Variants in PCDHGA9 observed in about 807,000 individuals in gnomAD.
PCDHGA9 encodes protocadherin gamma subfamily A, 9.
PCDHGA9 carries 37 observed loss-of-function variants against 62.5 expected under a neutral mutation model. The ratio of observed to expected loss-of-function variants is 0.59; its 90% confidence interval spans 0.46 to 0.78. The LOEUF (loss-of-function observed/expected upper bound fraction) is 0.78. Ranked by LOEUF, PCDHGA9 falls within the 30% of genes least tolerant of loss-of-function variation. PCDHGA9 has a pLI of 0.00. For synonymous variants in PCDHGA9, 459 were observed against 484.6 expected (o/e 0.95, Z 0.69); for missense variants, 1,138 against 1,166.2 (o/e 0.98, Z 0.35).
At chr5:141,437,195 A>G (rs2097867163) in intron 1 of PCDHGA9, among the ~76,000 whole-genome samples, 2 of 152,180 alleles carry the variant, frequency 1.3e-5, no homozygotes, top group African/African-American at 4.8e-5. Context: ...ATGGGTTTGG[A>G]TGTGTTTACA....
At chr5:141,448,185 G>A (rs2098572532) in intron 1 of PCDHGA9, among the ~76,000 whole-genome samples, 1 of 152,020 alleles carries the variant, frequency 6.6e-6, no homozygotes, top group Non-Finnish European at 1.5e-5. Flanking sequence ...CCCTGGTTAT[G>A]TACACTTACA....
At chr5:141,467,460 T>G (rs1354012953) in intron 1 of PCDHGA9, among the ~76,000 whole-genome samples, 1 of 152,246 alleles carries the variant, frequency 6.6e-6, no homozygotes. Context: ...CCAGTGCTAG[T>G]ACTTGCATGG....
intron 1 of PCDHGA9, chr5:141,410,721 A>G (rs2154543206): frequency 1.5e-5 from 21 of 1,395,496 alleles, no homozygotes; most frequent in Non-Finnish European, 2.0e-5. Context: ...ATATGTTTAA[A>G]ATCCATAGCT....
Position 141,487,904 on chromosome 5 carries a change from G to A in PCDHGA9, c.2425-6903G>A, listed in dbSNP as rs1229814755. On this transcript the variant is annotated intron_variant, in intron 1 of 3. Coordinates refer to ENST00000573521, the MANE Select transcript of PCDHGA9 (RefSeq NM_018921.3). The surrounding 1 kb of genome is among the most constrained non-coding windows in gnomAD (Gnocchi z 5.0). ...TGTGGAAGCATGATGATGGAATGTG[G>A]GAGCACAGGAGGCTACAGTGCACAG... 8.8e-6 allele frequency: 6 copies of A among 685,686 alleles called. No individual in the cohort carries two copies. The highest frequency in any genetic ancestry group is 1.5e-5 in the Non-Finnish European group (6 of 410,118). 42.5% of individuals were successfully genotyped at this position (685,686 alleles called of 1,614,324 possible). A position where few individuals can be genotyped will look rare whatever the true frequency, so the allele number is the denominator to read the frequency against.
chr5:141,451,812 C>G (rs974567828), intron 1 of PCDHGA9, among the ~76,000 whole-genome samples: 1 of 149,686 alleles, frequency 6.7e-6, no homozygotes, highest in Non-Finnish European at 1.5e-5. Flanking sequence ...ACCCAGGAGG[C>G]GGAGGTTACA....
chr5:141,472,928 G>A (rs926768431), intron 1 of PCDHGA9, among the ~76,000 whole-genome samples: 13 of 150,136 alleles, frequency 8.7e-5, no homozygotes, highest in Admixed American at 2.7e-4. Flanking sequence ...GGAGGTTGTG[G>A]TGAGCCAAGA....
chr5:141,503,045 G>A (rs543484478), intron 2 of PCDHGA9, among the ~76,000 whole-genome samples: 1 of 151,702 alleles, frequency 6.6e-6, no homozygotes, highest in South Asian at 2.1e-4. Context: ...AGTTGAGACA[G>A]GGTTTCACCA....
intron 1 of PCDHGA9, among the ~76,000 whole-genome samples, chr5:141,445,751 G>T (rs1211416281): frequency 2.0e-5 from 3 of 152,102 alleles, no homozygotes; most frequent in Non-Finnish European, 4.4e-5. Context: ...AAAAATAAAA[G>T]GTGTGACTCA....
chr5:141,413,891 C>G, intron 1 of PCDHGA9: 1 of 1,613,382 alleles, frequency 6.2e-7, no homozygotes, highest in East Asian at 2.2e-5. Flanking sequence ...GTCTTCGATG[C>G]AAATGACAAC....
chr5:141,403,704 T>C lies in PCDHGA9; in HGVS notation c.752T>C (p.Val251Ala), dbSNP rs1207597755. Residue 251 changes from valine (V) to alanine (A), a missense_variant, in exon 1 of 4, where the codon GTC becomes GCC. Val to Ala is a moderately conservative substitution (Grantham distance 64). Coordinates refer to ENST00000573521, the MANE Select transcript of PCDHGA9 (RefSeq NM_018921.3). ...VFAQRIYRVK[V>A]LENVPPGTWL... Reference sequence around the variant, plus strand: ...GCTCAACGGATTTACCGAGTTAAAGTCCTTGAGAACGTGCCCCCAGGCACC... The same window carrying C: ...GCTCAACGGATTTACCGAGTTAAAGCCCTTGAGAACGTGCCCCCAGGCACC... 1.2e-6 allele frequency: 2 copies of C among 1,613,846 alleles called. No homozygotes were observed. Among genetic ancestry groups the C allele is most frequent in the East Asian group, 4.5e-5 (2 of 44,866 alleles).
intron 1 of PCDHGA9, among the ~76,000 whole-genome samples, chr5:141,433,790 T>A (rs1052636810): frequency 2.0e-5 from 3 of 151,564 alleles, no homozygotes; most frequent in South Asian, 4.2e-4. Flanking sequence ...TGAGCTGAGA[T>A]TGTGCCATTG....
chr5:141,485,587 G>C lies in PCDHGA9; in HGVS notation c.2425-9220G>C. 6.2e-7 allele frequency: 1 copy of C among 1,612,652 alleles called. No individual in the cohort carries two copies. The highest frequency in any genetic ancestry group is 1.7e-5 in the Admixed American group (1 of 59,982). On this transcript the variant is annotated intron_variant, in intron 1 of 3. Coordinates refer to ENST00000573521, the MANE Select transcript of PCDHGA9 (RefSeq NM_018921.3). This position sits in a 1 kb window ranked among gnomAD's most constrained non-coding sequence, Gnocchi z 5.7. ...CCCCCCGTTTTCCGCGGCAGCAGCT[G>C]GACTTGGAAATTGGGGAGGCAGCTC... is the stretch of plus-strand genomic sequence containing the variant.
At chr5:141,450,832 T>TTA (rs764784095) in intron 1 of PCDHGA9, among the ~76,000 whole-genome samples, 6,304 of 142,274 alleles carry the variant, frequency 0.044, 222 homozygotes, top group African/African-American at 0.11. Context: ...TATTATTATT[T>TTA]TTTTTTTTTT....
chr5:141,419,923 G>A, intron 1 of PCDHGA9: 4 of 1,614,088 alleles, frequency 2.5e-6, no homozygotes, highest in Non-Finnish European at 3.4e-6. Flanking sequence ...AGGCTGAGAT[G>A]CAGTTTTACC....
chr5:141,490,549 C>T lies in PCDHGA9; in HGVS notation c.2425-4258C>T, dbSNP rs2099701539. ...TGCTGGTTCACCTTCCCTACACAAA[C>T]ATCTCACCATCAGGCTCAACATTTC... On this transcript the variant is annotated intron_variant, in intron 1 of 3. Transcript: ENST00000573521. The surrounding 1 kb of genome is among the most constrained non-coding windows in gnomAD (Gnocchi z 5.4). The T allele has an allele frequency of 1.9e-6, 3 of 1,614,178 alleles. No homozygotes were observed. The highest frequency in any genetic ancestry group is 1.7e-6 in the Non-Finnish European group (2 of 1,180,024).
In PCDHGA9 at chr5:141,403,547, G is replaced by A. The variant is rs940508173; in HGVS notation, c.595G>A (p.Ala199Thr). Reference protein sequence around the residue: ...AINPELVLERALDREEATAHH... With the variant: ...AINPELVLERTLDREEATAHH... ...AAACCCAGAGCTGGTGCTGGAGCGC[G>A]CCCTGGACAGGGAGGAGGCAACTGC... Residue 199 changes from alanine (A) to threonine (T), a missense_variant, in exon 1 of 4, where the codon GCC becomes ACC. Coordinates refer to ENST00000573521, the MANE Select transcript of PCDHGA9 (RefSeq NM_018921.3). 3.4e-5 allele frequency: 55 copies of A among 1,613,888 alleles called. No individual in the cohort carries two copies. The highest frequency in any genetic ancestry group is 4.5e-5 in the Non-Finnish European group (53 of 1,179,904).
At chr5:141,448,523 A>G (rs2098593853) in intron 1 of PCDHGA9, among the ~76,000 whole-genome samples, 1 of 152,166 alleles carries the variant, frequency 6.6e-6, no homozygotes, top group African/African-American at 2.4e-5. Context: ...TTTATTAAGC[A>G]TCCTGTCAGC....
At chr5:141,475,828 C>T (rs1319658902) in intron 1 of PCDHGA9, 1 of 387,614 alleles carries the variant, frequency 2.6e-6, no homozygotes, top group Admixed American at 4.3e-5. Context: ...GGCGCTAGCG[C>T]GTGTCCTGCT....
chr5:141,418,749 C>A, intron 1 of PCDHGA9: 1 of 1,613,866 alleles, frequency 6.2e-7, no homozygotes, highest in South Asian at 1.1e-5. Flanking sequence ...CTGGATTACA[C>A]TACAGGAAAC....
Sources: gnomAD v4.1 joint callset for allele counts (sites outside exome capture counted in the v4.1 genomes callset) on GRCh38, gnomAD v4.1.1 for gene constraint, Gnocchi (gnomAD v3.1) non-coding constraint, MANE v1.5 for transcripts, NCBI Gene and HGNC (gene_info 2026-07-23, HGNC 2026-07-21) for gene names.